NUBP1: variants seen among roughly 807,000 people sequenced by gnomAD.
The protein encoded by NUBP1 is cytosolic Fe-S cluster assembly factor NUBP1.
NUBP1 carries 46 observed loss-of-function variants against 41.8 expected under a neutral mutation model. That is an observed-to-expected ratio of 1.10 (90% CI 0.87 to 1.41). The LOEUF (loss-of-function observed/expected upper bound fraction) is 1.41. Ranked by LOEUF, NUBP1 falls within the 40% of genes most tolerant of loss-of-function variation. The pLI, the probability that NUBP1 is intolerant of heterozygous loss-of-function variation, is 0.00. For missense variants in NUBP1, 494 were observed against 414.0 expected, an observed-to-expected ratio of 1.19 and a Z score of -1.68; for synonymous variants, 189 against 154.6, an observed-to-expected ratio of 1.22 and a Z score of -1.65.
chr16:10,754,669 C>G (rs1341849499), intron 4 of NUBP1, among the ~76,000 whole-genome samples: 1 of 152,134 alleles, frequency 6.6e-6, no homozygotes, highest in Non-Finnish European at 1.5e-5. Context: ...TCCTGTAAGG[C>G]TGGGAGGATG....
chr16:10,755,885 G>C, intron 5 of NUBP1, 132 bp downstream of exon 5: 1 of 781,626 alleles, frequency 1.3e-6, no homozygotes, highest in Non-Finnish European at 2.1e-6. Context: ...ATTAAAACCA[G>C]TGATTGGCAG....
In NUBP1 at chr16:10,761,199, C is replaced by T. The variant is rs549356610; in HGVS notation, c.607-165C>T. 42 of 566,896 alleles carry T rather than the reference C, an allele frequency of 7.4e-5. No homozygotes were observed. In the East Asian group the frequency reaches 9.5e-4, roughly 13 times the overall value. 35.1% of individuals were successfully genotyped at this position (566,896 alleles called of 1,614,324 possible). A position where few individuals can be genotyped will look rare whatever the true frequency, so the allele number is the denominator to read the frequency against. On this transcript the variant is annotated intron_variant, in intron 7 of 10. Transcript: ENST00000283027. ...TGTAGGGATGATGGGGATTACAGTT[C>T]GAGCTGAGATTTGGATGGGGACACA...
At chr16:10,756,591 GT>G in intron 5 of NUBP1, 98 bp from the exon 6 acceptor site, 2 of 771,538 alleles carry the variant, frequency 2.6e-6, no homozygotes, top group East Asian at 3.2e-5. Flanking sequence ...TCCTGAAAAT[GT>G]TTTTTTCAGT....
Position 10,761,876 on chromosome 16 carries a change from T to G in NUBP1, c.820+17T>G, listed in dbSNP as rs755568802. ...CGCTCATAGGTGGGTGACCCCAGTG[T>G]GGGGCGGCACCTCACTCCTCGGTCA... On this transcript the variant is annotated intron_variant, in intron 9 of 10. Coordinates refer to ENST00000283027, the MANE Select transcript of NUBP1 (RefSeq NM_002484.4). The G allele has an allele frequency of 6.3e-7, 1 of 1,598,420 alleles. No homozygotes were observed.
At chr16:10,755,669 G>T in intron 4 of NUBP1, 52 bp from the exon 5 acceptor site, 1 of 1,572,406 alleles carries the variant, frequency 6.4e-7, no homozygotes, top group South Asian at 1.1e-5. Context: ...CATGAAATGT[G>T]ACCAGGGTAC....
Position 10,766,781 on chromosome 16 carries a change from G to C in NUBP1, c.821-1168G>C. On this transcript the variant is annotated intron_variant, in intron 9 of 10. Coordinates refer to ENST00000283027, the MANE Select transcript of NUBP1 (RefSeq NM_002484.4). This position sits in a 1 kb window ranked among gnomAD's most constrained non-coding sequence, Gnocchi z 4.8. ...TCAAAGGCCCCATTACAGAGTTTTT[G>C]TGTTTAAATACCCTCTACTTGAGGT... The C allele has an allele frequency of 2.5e-6, 1 of 397,072 alleles. No individual in the cohort carries two copies. 24.6% of individuals were successfully genotyped at this position (397,072 alleles called of 1,614,324 possible). A position where few individuals can be genotyped will look rare whatever the true frequency, so the allele number is the denominator to read the frequency against.
chr16:10,747,117 C>G, intron 2 of NUBP1, 26 bp from the exon 3 acceptor site: 1 of 1,612,946 alleles, frequency 6.2e-7, no homozygotes, highest in Non-Finnish European at 8.5e-7. Context: ...GGGACCTCAT[C>G]CCCTGAACTT....
In NUBP1 at chr16:10,756,795, CT is replaced by C. The variant is rs769992455; in HGVS notation, c.451+22del. On this transcript the variant is annotated intron_variant, in intron 6 of 10. Coordinates refer to ENST00000283027, the MANE Select transcript of NUBP1 (RefSeq NM_002484.4). ...CAAGAAAAACGGTTTGCCACTCTGC[CT>C]TTTTTTGTCTCTCACATTCTTCCAC... 29 of 1,586,348 alleles carry C rather than the reference CT, an allele frequency of 1.8e-5. No homozygotes were observed. Among genetic ancestry groups the C allele is most frequent in the Admixed American group, 9.0e-5 (5 of 55,256 alleles).
In NUBP1 at chr16:10,766,520, A is replaced by G. The variant is rs2030896986; in HGVS notation, c.821-1429A>G. Among the ~76,000 whole-genome samples, 1 of 152,128 alleles carries G rather than the reference A, an allele frequency of 6.6e-6. No homozygotes were observed. Among genetic ancestry groups the G allele is most frequent in the African/African-American group, 2.4e-5 (1 of 41,428 alleles). ...GACAGAAAGTAGCCCCAGCATGACT[A>G]TTCTGGGATCCCCAACCTCCCAGGT... is the stretch of plus-strand genomic sequence containing the variant. On this transcript the variant is annotated intron_variant, in intron 9 of 10. Transcript: ENST00000283027. This position sits in a 1 kb window ranked among gnomAD's most constrained non-coding sequence, Gnocchi z 4.8.
intron 3 of NUBP1, among the ~76,000 whole-genome samples, chr16:10,752,226 C>T (rs1282486883): frequency 1.3e-5 from 2 of 152,192 alleles, no homozygotes; most frequent in Non-Finnish European, 2.9e-5. Flanking sequence ...TAGGGTGGCT[C>T]CAACACTGCC....
rs536683055 is a variant in NUBP1, at chr16:10,756,855, G to C, written c.451+75G>C. On this transcript the variant is annotated intron_variant, in intron 6 of 10. Transcript: ENST00000283027. ...TGGCTCTTGGCTTTATCTGCTCCCTGTCCTGCCAGTCTCAGCCTGCTGGAC... is the reference window on the plus strand; with the variant it reads ...TGGCTCTTGGCTTTATCTGCTCCCTCTCCTGCCAGTCTCAGCCTGCTGGAC... 400 of 1,166,170 alleles carry C rather than the reference G, an allele frequency of 3.4e-4. 2 individuals carry two copies. The Middle Eastern group carries it at 0.013, about 38-fold the overall frequency. 72.2% of individuals were successfully genotyped at this position (1,166,170 alleles called of 1,614,324 possible).
intron 2 of NUBP1, among the ~76,000 whole-genome samples, chr16:10,745,238 G>A: frequency 6.6e-6 from 1 of 151,680 alleles, no homozygotes. Context: ...GCCGAGGCGG[G>A]TGGATGGATC....
chr16:10,748,001 G>T (rs1369849692), intron 3 of NUBP1, among the ~76,000 whole-genome samples: 2 of 152,134 alleles, frequency 1.3e-5, no homozygotes, highest in Non-Finnish European at 2.9e-5. Context: ...AGGCTGAAGT[G>T]CATTGCTATG....
chr16:10,761,335 T>A (rs2029878688), intron 7 of NUBP1, 29 bp from the exon 8 acceptor site: 1 of 1,601,590 alleles, frequency 6.2e-7, no homozygotes, highest in African/African-American at 1.4e-5. Flanking sequence ...ACTTTGATGC[T>A]GGAATCACTG....
At position 10,761,354 on chromosome 16, in the gene NUBP1, A is replaced by G; in HGVS notation, c.607-10A>G. 1 of 1,612,932 alleles carries G rather than the reference A, an allele frequency of 6.2e-7. No individual in the cohort carries two copies. Among genetic ancestry groups the G allele is most frequent in the Non-Finnish European group, 8.5e-7 (1 of 1,179,220 alleles). ...TGATGCTGGAATCACTGGTCTTTTCACCTTCGTAGGAGGTGTCACTCCAGG... is the reference window on the plus strand; with the variant it reads ...TGATGCTGGAATCACTGGTCTTTTCGCCTTCGTAGGAGGTGTCACTCCAGG... On this transcript the variant is annotated splice_polypyrimidine_tract_variant and intron_variant, in intron 7 of 10. Coordinates refer to ENST00000283027, the MANE Select transcript of NUBP1 (RefSeq NM_002484.4).
At position 10,749,517 on chromosome 16, in the gene NUBP1, T is replaced by A. The variant is rs2541462; in HGVS notation, c.258+2241T>A. 0.17 allele frequency among the ~76,000 whole-genome samples: 26,430 copies of A among 152,110 alleles called. 3,411 individuals carry two copies. Among genetic ancestry groups the A allele is most frequent in the African/African-American group, 0.36 (14,831 of 41,436 alleles). ...TATGGCTAGATCAGCTGTATTTTTT[T>A]ATGCAGTGGTGGTTTAAAAAAAAAA... is the stretch of plus-strand genomic sequence containing the variant. On this transcript the variant is annotated intron_variant, in intron 3 of 10. Coordinates refer to ENST00000283027, the MANE Select transcript of NUBP1 (RefSeq NM_002484.4). This position sits in a 1 kb window ranked among gnomAD's most constrained non-coding sequence, Gnocchi z 4.1.
At chr16:10,761,688 TA>T in intron 8 of NUBP1, 68 bp from the exon 9 acceptor site, 1 of 1,263,404 alleles carries the variant, frequency 7.9e-7, no homozygotes, top group Non-Finnish European at 1.1e-6. Context: ...TAAGTTTCTT[TA>T]AAATGTGGTC....
At position 10,766,797 on chromosome 16, in the gene NUBP1, T is replaced by G. The variant is rs2030948835; in HGVS notation, c.821-1152T>G. On this transcript the variant is annotated intron_variant, in intron 9 of 10. Transcript: ENST00000283027. The surrounding 1 kb of genome is among the most constrained non-coding windows in gnomAD (Gnocchi z 4.8). ...AGAGTTTTTGTGTTTAAATACCCTC[T>G]ACTTGAGGTACGCCCTATATAAACG... 1 of 397,486 alleles carries G rather than the reference T, an allele frequency of 2.5e-6. No individual in the cohort carries two copies. Among genetic ancestry groups the G allele is most frequent in the Non-Finnish European group, 4.4e-6 (1 of 225,850 alleles). 24.6% of individuals were successfully genotyped at this position (397,486 alleles called of 1,614,324 possible).
At position 10,749,022 on chromosome 16, in the gene NUBP1, C is replaced by T. The variant is rs1400163731; in HGVS notation, c.258+1746C>T. On this transcript the variant is annotated intron_variant, in intron 3 of 10. Coordinates refer to ENST00000283027, the MANE Select transcript of NUBP1 (RefSeq NM_002484.4). The surrounding 1 kb of genome is among the most constrained non-coding windows in gnomAD (Gnocchi z 4.1). ...ATGAGAATCGTTTGAACCCAGGAGG[C>T]GGAGGTCGCGGTGGGCCAAGATTGC... Among the ~76,000 whole-genome samples the T allele has an allele frequency of 2.6e-5, 4 of 151,104 alleles. No individual in the cohort carries two copies. Among genetic ancestry groups the T allele is most frequent in the South Asian group, 2.1e-4 (1 of 4,778 alleles).
Sources: gnomAD v4.1 joint callset for allele counts (sites outside exome capture counted in the v4.1 genomes callset) on GRCh38, gnomAD v4.1.1 for gene constraint, Gnocchi (gnomAD v3.1) non-coding constraint, MANE v1.5 for transcripts, NCBI Gene and HGNC (gene_info 2026-07-23, HGNC 2026-07-21) for gene names.